The following TAOK2 variants were observed in gnomAD, a reference collection of about 807,000 sequenced individuals.
TAOK2 encodes TAO kinase 2.
Under a neutral mutation model 122.5 loss-of-function variants are expected in TAOK2, and 42 were observed. That is an observed-to-expected ratio of 0.34 (90% CI 0.27 to 0.44). The LOEUF is 0.44. Among genes scored for constraint, TAOK2 ranks in the 20% least tolerant of loss-of-function variants. The probability of loss-of-function intolerance (pLI) is 1.00; values close to 1 mark genes in which losing one functional copy is unlikely to be tolerated. For synonymous variants in TAOK2, 704 were observed against 677.6 expected (o/e 1.04, Z -0.61); for missense variants, 1,264 against 1,644.9 (o/e 0.77, Z 4.01).
chr16:29,988,200 T>C lies in TAOK2; in HGVS notation c.*220T>C. 3.5e-6 allele frequency: 5 copies of C among 1,433,258 alleles called. No homozygotes were observed. The highest frequency in any genetic ancestry group is 3.0e-5 in the South Asian group (2 of 66,588). 88.8% of individuals were successfully genotyped at this position (1,433,258 alleles called of 1,614,324 possible). On this transcript the variant is annotated 3_prime_UTR_variant, in exon 16 of 16. Coordinates refer to ENST00000308893, the MANE Select transcript of TAOK2 (RefSeq NM_016151.4). ...CTCCTGGCGCTCCTCCCCTAAGTTA[T>C]TGCTGTTCGCCCGCTGTGTGTGCTC...
In TAOK2 at chr16:29,976,930, G is replaced by C. The variant is rs145351776; in HGVS notation, c.-35-808G>C. On this transcript the variant is annotated intron_variant, in intron 1 of 15. Transcript: ENST00000308893. ...TTTGGACAAGGCACTTAACCTTGCT[G>C]AGCCTGTTTCTTTATCTGTAAGATA... Among the ~76,000 whole-genome samples, 10 of 152,312 alleles carry C rather than the reference G, an allele frequency of 6.6e-5. No homozygotes were observed. In the East Asian group the frequency reaches 1.7e-3, roughly 26 times the overall value.
At chr16:29,982,552 T>C (rs571705483) in intron 10 of TAOK2, among the ~76,000 whole-genome samples, 182 bp from the exon 11 acceptor site, 17 of 145,284 alleles carry the variant, frequency 1.2e-4, no homozygotes, top group African/African-American at 4.5e-4. Flanking sequence ...GAAGAGTCTG[T>C]CTGGGGAGTA....
In TAOK2 at chr16:29,987,872, C is replaced by A; in HGVS notation, c.3600C>A (p.Arg1200=). Reference sequence around the variant, plus strand: ...CCCGAATCCCCCGGCTACTACCACGCAGCCAGCGCCAGCTAGGGCCCCCTG... The same window carrying A: ...CCCGAATCCCCCGGCTACTACCACGAAGCCAGCGCCAGCTAGGGCCCCCTG... ...RPTRIPRLLP[R]SQRQLGPPAS... Residue 1200 remains arginine (R), a synonymous_variant, in exon 16 of 16, where the codon CGC becomes CGA. Coordinates refer to ENST00000308893, the MANE Select transcript of TAOK2 (RefSeq NM_016151.4). 1 of 1,604,532 alleles carries A rather than the reference C, an allele frequency of 6.2e-7. No individual in the cohort carries two copies. The highest frequency in any genetic ancestry group is 8.5e-7 in the Non-Finnish European group (1 of 1,177,900).
Position 29,987,582 on chromosome 16 carries a change from G to A in TAOK2, c.3310G>A (p.Gly1104Arg). 6.2e-7 allele frequency: 1 copy of A among 1,612,448 alleles called. No homozygotes were observed. The highest frequency in any genetic ancestry group is 8.5e-7 in the Non-Finnish European group (1 of 1,179,020). Reference sequence around the variant, plus strand: ...GGCCTTCCGGGCCCTGCAGGGCTGTGGGGCTGTGGGGGACCGGGGTCTGTT... The same window carrying A: ...GGCCTTCCGGGCCCTGCAGGGCTGTAGGGCTGTGGGGGACCGGGGTCTGTT... ...PMAFRALQGC[G>R]AVGDRGLFAL... Residue 1104 changes from glycine (G) to arginine (R), a missense_variant, in exon 16 of 16, where the codon GGG becomes AGG. This residue lies in a region of TAOK2 where 824 missense variants were observed against 908.7 expected (regional missense o/e 0.91). Transcript: ENST00000308893.
rs542633264 is a variant in TAOK2, at chr16:29,977,996, C to G, written c.132+92C>G. On this transcript the variant is annotated intron_variant, in intron 2 of 15. Coordinates refer to ENST00000308893, the MANE Select transcript of TAOK2 (RefSeq NM_016151.4). ...AGCCCTTGCACACTACTCCATCACA[C>G]TGGTCTTTCCTGCCTTCTCTTGCTG... is the stretch of plus-strand genomic sequence containing the variant. 1.9e-6 allele frequency: 3 copies of G among 1,611,210 alleles called. No homozygotes were observed. In the South Asian group the frequency reaches 3.3e-5, roughly 18 times the overall value.
chr16:29,982,433 C>G (rs74017651), intron 10 of TAOK2, among the ~76,000 whole-genome samples: 1 of 152,140 alleles, frequency 6.6e-6, no homozygotes, highest in African/African-American at 2.4e-5. Flanking sequence ...TGTATGAAGC[C>G]CAGAGGGGCC....
At chr16:29,989,523 T>C, downstream of TAOK2, 1 of 1,600,916 alleles carries the variant, frequency 6.2e-7, no homozygotes, top group South Asian at 1.1e-5. Flanking sequence ...GTTCCTCCTC[T>C]TCCTCTTCCT....
chr16:29,974,338 C>T lies in TAOK2; in HGVS notation c.-346C>T. On this transcript the variant is annotated 5_prime_UTR_variant, in exon 1 of 16. Transcript: ENST00000308893. ...TGCACCAGTATCCGGGGTTCATTCC[C>T]CGGGCGTTCAAATATCGGATTCAGT... is the stretch of plus-strand genomic sequence containing the variant. 1 of 152,626 alleles carries T rather than the reference C, an allele frequency of 6.6e-6. No individual in the cohort carries two copies. Among genetic ancestry groups the T allele is most frequent in the African/African-American group, 2.4e-5 (1 of 41,458 alleles). The allele number at this position is 152,626 out of a possible 1,614,324, so 9.5% of individuals were successfully genotyped here.
chr16:29,985,781 T>C lies in TAOK2; in HGVS notation c.1912T>C (p.Tyr638His). The change falls in exon 15 of 16, where the codon TAC (tyrosine) becomes CAC (histidine). Residue 638 changes from tyrosine (Y) to histidine (H), a missense_variant. Around this residue, in one of 4 missense-constraint regions of TAOK2, gnomAD observed 824 missense variants for 908.7 expected, o/e 0.91. Coordinates refer to ENST00000308893, the MANE Select transcript of TAOK2 (RefSeq NM_016151.4). The surrounding 1 kb of genome is among the most constrained non-coding windows in gnomAD (Gnocchi z 6.9). ...AGGGCTGCTGCGGCGGCAGCGCCAG[T>C]ACTTTGAGCTGCAGTGTCGCCAGTA... ...EAGLLRRQRQ[Y>H]FELQCRQYKR... 4 of 1,611,520 alleles carry C rather than the reference T, an allele frequency of 2.5e-6. No individual in the cohort carries two copies. The highest frequency in any genetic ancestry group is 3.4e-6 in the Non-Finnish European group (4 of 1,179,806).
downstream of TAOK2, chr16:29,991,601 G>T: frequency 6.9e-7 from 1 of 1,442,072 alleles, no homozygotes; most frequent in South Asian, 1.5e-5. This position sits in a 1 kb window ranked among gnomAD's most constrained non-coding sequence, Gnocchi z 5.6. Flanking sequence ...GAGCTGGGCA[G>T]GGCAGGGGTG....
downstream of TAOK2, chr16:29,989,250 T>G: frequency 1.0e-6 from 1 of 985,346 alleles, no homozygotes; most frequent in Non-Finnish European, 1.2e-6. Context: ...CAGTTCCCTG[T>G]CCAGTAACTC....
chr16:29,991,090 G>A (rs1285651838), downstream of TAOK2: 11 of 1,589,926 alleles, frequency 6.9e-6, no homozygotes, highest in East Asian at 6.7e-5. This position sits in a 1 kb window ranked among gnomAD's most constrained non-coding sequence, Gnocchi z 5.6. Flanking sequence ...CGCTCCGAGC[G>A]AATCCGCAGT....
chr16:29,986,648 G>A lies in TAOK2; in HGVS notation c.2376G>A (p.Glu792=), dbSNP rs2069807340. 6.2e-7 allele frequency: 1 copy of A among 1,612,282 alleles called. No homozygotes were observed. The highest frequency in any genetic ancestry group is 1.7e-5 in the Admixed American group (1 of 59,552). ...AVLDQRMLGE[E]EEAVGERRIL... is the part of the protein sequence containing the mutation. ...TGGACCAAAGAATGCTTGGCGAGGA[G>A]GAGGAAGCAGTTGGAGAGAGAAGGA... The change falls in exon 16 of 16, where the codon GAG becomes GAA. Residue 792 remains glutamate, a synonymous_variant. Transcript: ENST00000308893. The surrounding 1 kb of genome is among the most constrained non-coding windows in gnomAD (Gnocchi z 4.2).
downstream of TAOK2, chr16:29,990,016 G>C (rs1271375755): frequency 3.5e-6 from 2 of 566,334 alleles, no homozygotes; most frequent in East Asian, 6.1e-5. Flanking sequence ...TTAAGGTCTT[G>C]ACAAAGCCAT....
At position 29,977,786 on chromosome 16, in the gene TAOK2, G is replaced by A; in HGVS notation, c.14G>A (p.Gly5Asp). Residue 5 changes from glycine to aspartate, a missense_variant, in exon 2 of 16, where the codon GGC becomes GAC. Transcript: ENST00000308893. ...CCAGGGGCCACCATGCCAGCTGGGG[G>A]CCGGGCCGGGAGCCTGAAGGACCCA... is the stretch of plus-strand genomic sequence containing the variant. The part of the protein sequence containing the change: MPAG[G>D]RAGSLKDPDV... The A allele has an allele frequency of 1.2e-6, 2 of 1,614,118 alleles. No homozygotes were observed. Among genetic ancestry groups the A allele is most frequent in the South Asian group, 1.1e-5 (1 of 91,082 alleles).
At chr16:29,977,696 G>T in intron 1 of TAOK2, 42 bp from the exon 2 acceptor site, 2 of 1,561,930 alleles carry the variant, frequency 1.3e-6, no homozygotes, top group South Asian at 2.4e-5. Context: ...CTCCCTGAAG[G>T]CTCAATCCTT....
chr16:29,985,876 C>G lies in TAOK2; in HGVS notation c.1992+15C>G. On this transcript the variant is annotated intron_variant, in intron 15 of 15. Transcript: ENST00000308893. The surrounding 1 kb of genome is among the most constrained non-coding windows in gnomAD (Gnocchi z 6.9). ...TGCTGCGGGAGGTAGGCATCCCAAT[C>G]TCTGTTCCCCTCCCGCTCACTCGTG... The G allele has an allele frequency of 6.2e-7, 1 of 1,609,014 alleles. No homozygotes were observed. The highest frequency in any genetic ancestry group is 8.5e-7 in the Non-Finnish European group (1 of 1,178,330).
chr16:29,980,767 A>C (rs972223952), intron 8 of TAOK2: 3 of 152,224 alleles, frequency 2.0e-5, no homozygotes, highest in African/African-American at 7.2e-5. Context: ...AGAGATGTGG[A>C]TACAGAGAAA....
At chr16:29,976,874 T>C (rs2069471428) in intron 1 of TAOK2, among the ~76,000 whole-genome samples, 1 of 152,240 alleles carries the variant, frequency 6.6e-6, no homozygotes, top group South Asian at 2.1e-4. Flanking sequence ...TTCGAAGGGC[T>C]GCTCTGAAAT....
Sources: allele counts gnomAD v4.1 joint callset (sites outside exome capture counted in the v4.1 genomes callset), GRCh38; gene constraint gnomAD v4.1.1; regional missense constraint gnomAD v4.1.1; non-coding constraint Gnocchi (gnomAD v3.1); transcripts MANE v1.5; gene names NCBI Gene and HGNC (gene_info 2026-07-23, HGNC 2026-07-21).